The following PCGF6 variants were observed in gnomAD, a reference collection of about 807,000 sequenced individuals.
PCGF6 encodes polycomb group RING finger protein 6.
PCGF6 carries 24 observed loss-of-function variants against 45.5 expected under a neutral mutation model. The ratio of observed to expected loss-of-function variants is 0.53; its 90% CI spans 0.38 to 0.74. PCGF6 has a LOEUF of 0.74. Among genes scored for constraint, PCGF6 ranks in the 30% least tolerant of loss-of-function variants. The pLI is 0.00. For synonymous variants in PCGF6, 152 were observed against 162.1 expected (o/e 0.94, Z 0.47); for missense variants, 356 against 443.2 (o/e 0.80, Z 1.77).
chr10:103,303,378 A>C lies in PCGF6; in HGVS notation c.*527T>G, dbSNP rs1313249084. The C allele has an allele frequency of 1.3e-5, 2 of 152,552 alleles. No homozygotes were observed. The highest frequency in any genetic ancestry group is 4.8e-5 in the African/African-American group (2 of 41,450). The allele number at this position is 152,552 out of a possible 1,614,324, so 9.4% of individuals were successfully genotyped here. ...GTAACTTCTCCTTTGTAGTGTTGCT[A>C]GTATAAAAAAAGGTACAAGTTCAAA... On this transcript the variant is annotated 3_prime_UTR_variant, in exon 10 of 10. Coordinates refer to ENST00000369847, the MANE Select transcript of PCGF6 (RefSeq NM_001011663.2).
In PCGF6 at chr10:103,332,083, C is replaced by T. The variant is rs1193366232; in HGVS notation, c.810+1842G>A. On this transcript the variant is annotated intron_variant, in intron 7 of 9. Transcript: ENST00000369847. ...CTGGGATTACAAGCTTGAGCCACCG[C>T]GCCCGGCCTAATACATCTCTGTGTC... is the stretch of plus-strand genomic sequence containing the variant. Among the ~76,000 whole-genome samples, 7 of 152,086 alleles carry T rather than the reference C, an allele frequency of 4.6e-5. No homozygotes were observed. The South Asian group carries it at 6.2e-4, about 14-fold the overall frequency.
intron 7 of PCGF6, among the ~76,000 whole-genome samples, chr10:103,331,948 G>A (rs992682200): frequency 6.6e-5 from 10 of 152,072 alleles, no homozygotes; most frequent in Admixed American, 1.3e-4. Flanking sequence ...ACGCGCCACC[G>A]CGCCTGGCTA....
chr10:103,320,764 C>CTA (rs1304672192), intron 8 of PCGF6, among the ~76,000 whole-genome samples: 3 of 152,138 alleles, frequency 2.0e-5, no homozygotes, highest in Admixed American at 6.6e-5. Context: ...CCACAAAAAA[C>CTA]TTTAAAGTTT....
At position 103,350,989 on chromosome 10, in the gene PCGF6, C is replaced by T. The variant is rs1255510568; in HGVS notation, c.78G>A (p.Pro26=). Residue 26 remains proline (P), a synonymous_variant, in exon 1 of 10, where the codon CCG becomes CCA. Coordinates refer to ENST00000369847, the MANE Select transcript of PCGF6 (RefSeq NM_001011663.2). ...KTEGAAALPP[P]PPVSPPALTP... is the part of the protein sequence containing the mutation. ...TGAGGGCGGGCGGGGAGACAGGAGG[C>T]GGAGGCGGCAAGGCTGCAGCTCCCT... is the stretch of plus-strand genomic sequence containing the variant. 4 of 1,434,532 alleles carry T rather than the reference C, an allele frequency of 2.8e-6. No individual in the cohort carries two copies. Among genetic ancestry groups the T allele is most frequent in the African/African-American group, 3.0e-5 (2 of 66,988 alleles). The allele number at this position is 1,434,532 out of a possible 1,614,324, so 88.9% of individuals were successfully genotyped here.
intron 9 of PCGF6, chr10:103,312,398 A>G (rs1375128973): frequency 3.9e-5 from 6 of 153,046 alleles, no homozygotes; most frequent in African/African-American, 9.7e-5. Flanking sequence ...TCTCAAAAAA[A>G]AAAAAAAAGT....
intron 7 of PCGF6, among the ~76,000 whole-genome samples, chr10:103,331,917 C>T (rs1592068215): frequency 6.6e-6 from 1 of 152,166 alleles, no homozygotes; most frequent in Non-Finnish European, 1.5e-5. Flanking sequence ...CTCAGCCTCC[C>T]GGGTAGCTGG....
chr10:103,321,528 T>C (rs1030003663), intron 8 of PCGF6, among the ~76,000 whole-genome samples: 1 of 151,994 alleles, frequency 6.6e-6, no homozygotes, highest in East Asian at 1.9e-4. Context: ...CCTGGCTAAA[T>C]GGTGAAACCC....
intron 6 of PCGF6, among the ~76,000 whole-genome samples, chr10:103,340,710 C>T (rs377350224): frequency 6.6e-6 from 1 of 152,070 alleles, no homozygotes; most frequent in African/African-American, 2.4e-5. Context: ...GATCCTCCCC[C>T]ATCAGCCTCC....
intron 7 of PCGF6, among the ~76,000 whole-genome samples, chr10:103,333,344 C>G (rs1175020532): frequency 6.6e-6 from 1 of 152,016 alleles, no homozygotes; most frequent in Admixed American, 6.6e-5. Context: ...CACTGAAAAT[C>G]TAAACAGATC....
At chr10:103,306,561 C>T (rs1200475959) in intron 9 of PCGF6, among the ~76,000 whole-genome samples, 1 of 152,186 alleles carries the variant, frequency 6.6e-6, no homozygotes, top group Non-Finnish European at 1.5e-5. Context: ...GGCTATTACT[C>T]TCCTTCGCTT....
chr10:103,350,595 T>C lies in PCGF6; in HGVS notation c.360+112A>G, dbSNP rs1592081787. 5.3e-6 allele frequency: 6 copies of C among 1,138,522 alleles called. No individual in the cohort carries two copies. In the South Asian group the frequency reaches 1.3e-4, roughly 24 times the overall value. The allele number at this position is 1,138,522 out of a possible 1,614,324, so 70.5% of individuals were successfully genotyped here. ...AGAGGTCGGGGGAGGTCCGCTCCAG[T>C]GCTCCGCGCGGCGGCGGCGCACTAG... On this transcript the variant is annotated intron_variant, in intron 1 of 9. Coordinates refer to ENST00000369847, the MANE Select transcript of PCGF6 (RefSeq NM_001011663.2).
intron 6 of PCGF6, among the ~76,000 whole-genome samples, chr10:103,339,587 G>A (rs986665052): frequency 1.3e-5 from 2 of 150,764 alleles, no homozygotes; most frequent in African/African-American, 2.4e-5. Context: ...TCAGGAGTTC[G>A]AGACCAGCCT....
intron 7 of PCGF6, among the ~76,000 whole-genome samples, chr10:103,333,257 A>G (rs1464272018): frequency 6.6e-6 from 1 of 152,110 alleles, no homozygotes; most frequent in East Asian, 1.9e-4. Context: ...TCTCTGAGCT[A>G]GTGTGTTCAT....
At chr10:103,340,600 A>AT (rs758991880) in intron 6 of PCGF6, among the ~76,000 whole-genome samples, 2,894 of 146,112 alleles carry the variant, frequency 0.02, 92 homozygotes, top group African/African-American at 0.067. Context: ...CCCCAAAATA[A>AT]TTTTTTTTTT....
chr10:103,313,666 G>C (rs1486700924), intron 9 of PCGF6, among the ~76,000 whole-genome samples: 2 of 152,126 alleles, frequency 1.3e-5, no homozygotes, highest in Non-Finnish European at 2.9e-5. Flanking sequence ...AATTTGTGTT[G>C]GGCCCCATTC....
intron 9 of PCGF6, among the ~76,000 whole-genome samples, chr10:103,309,367 C>A (rs750203193): frequency 3.9e-5 from 6 of 152,146 alleles, no homozygotes; most frequent in Non-Finnish European, 7.4e-5. Context: ...TTGGTAATGT[C>A]CTCACAAAAG....
Position 103,350,696 on chromosome 10 carries a change from G to T in PCGF6, c.360+11C>A. ...TTGGGCCCAGCGGGGTCGCGCGGGGGCTCTAAATACCTCCTCCTCGTCCTC... is the reference window on the plus strand; with the variant it reads ...TTGGGCCCAGCGGGGTCGCGCGGGGTCTCTAAATACCTCCTCCTCGTCCTC... On this transcript the variant is annotated intron_variant, in intron 1 of 9. Coordinates refer to ENST00000369847, the MANE Select transcript of PCGF6 (RefSeq NM_001011663.2). 6.8e-7 allele frequency: 1 copy of T among 1,477,930 alleles called. No homozygotes were observed. 91.6% of individuals were successfully genotyped at this position (1,477,930 alleles called of 1,614,324 possible).
intron 8 of PCGF6, 63 bp from the exon 9 acceptor site, chr10:103,314,335 G>A (rs987357079): frequency 1.0e-6 from 1 of 960,648 alleles, no homozygotes; most frequent in East Asian, 2.7e-5. Context: ...GAAGAAATGA[G>A]GAAAACAAAT....
At chr10:103,349,814 G>A (rs1426697568) in intron 1 of PCGF6, among the ~76,000 whole-genome samples, 3 of 150,792 alleles carry the variant, frequency 2.0e-5, no homozygotes, top group Non-Finnish European at 4.4e-5. Context: ...TGGGCGCAGT[G>A]GCTCACGCCT....
Sources: allele counts gnomAD v4.1 joint callset (sites outside exome capture counted in the v4.1 genomes callset), GRCh38; gene constraint gnomAD v4.1.1; transcripts MANE v1.5; gene names NCBI Gene and HGNC (gene_info 2026-07-23, HGNC 2026-07-21).